TCF3: variants seen among roughly 807,000 people sequenced by gnomAD.
TCF3 encodes the protein transcription factor E2-alpha.
TCF3 carries 54 observed loss-of-function variants against 72.3 expected under a neutral mutation model. The ratio of observed to expected loss-of-function variants is 0.75; its 90% CI spans 0.60 to 0.94. The LOEUF (loss-of-function observed/expected upper bound fraction) is 0.94. TCF3 is among the 40% of genes least tolerant of loss of function. The pLI is 0.00. For synonymous variants in TCF3, 525 were observed against 412.6 expected (o/e 1.27, Z -3.30); for missense variants, 1,078 against 934.4 (o/e 1.15, Z -2.00).
chr19:1,637,833 C>T (rs896173559), intron 3 of TCF3, among the ~76,000 whole-genome samples: 13 of 151,890 alleles, frequency 8.6e-5, no homozygotes, highest in African/African-American at 3.1e-4. Context: ...GGCGCGAACC[C>T]GGGAGGCAGA....
At chr19:1,635,577 G>A (rs776805437) in intron 3 of TCF3, among the ~76,000 whole-genome samples, 11 of 151,158 alleles carry the variant, frequency 7.3e-5, no homozygotes, top group Non-Finnish European at 1.0e-4. Flanking sequence ...CACAGCTGAC[G>A]CCCCCAAAAC....
chr19:1,644,539 G>A (rs551034989), intron 3 of TCF3, among the ~76,000 whole-genome samples: 3 of 152,326 alleles, frequency 2.0e-5, no homozygotes, highest in East Asian at 1.9e-4. Context: ...GGGACAAGGC[G>A]AGACCCTCCC....
intron 18 of TCF3, among the ~76,000 whole-genome samples, chr19:1,613,334 G>A (rs1001317170): frequency 1.3e-5 from 2 of 152,142 alleles, no homozygotes; most frequent in African/African-American, 4.8e-5. Context: ...CACCCAGGAA[G>A]ACCCAAGGTC....
intron 3 of TCF3, among the ~76,000 whole-genome samples, chr19:1,641,359 G>T (rs902299477): frequency 6.6e-6 from 1 of 152,142 alleles, no homozygotes; most frequent in Non-Finnish European, 1.5e-5. Context: ...GCTCACACAT[G>T]TAATCACAGC....
chr19:1,644,658 C>T (rs2065815947), intron 3 of TCF3, among the ~76,000 whole-genome samples: 2 of 152,294 alleles, frequency 1.3e-5, no homozygotes, highest in South Asian at 4.1e-4. Flanking sequence ...GGCTGGGCGT[C>T]CAGGGAGAGG....
intron 3 of TCF3, among the ~76,000 whole-genome samples, chr19:1,641,162 C>CA (rs58100035): frequency 0.75 from 92,941 of 124,556 alleles, 33,642 homozygotes; most frequent in African/African-American, 0.89. Flanking sequence ...AACTCGGTCT[C>CA]AAAAAAAAAA....
intron 2 of TCF3, 130 bp downstream of exon 2, chr19:1,650,047 A>C (rs2066766920): frequency 6.5e-6 from 6 of 919,306 alleles, no homozygotes; most frequent in Non-Finnish European, 9.7e-6. Context: ...CCCCAGCCCC[A>C]CCGGGGCCTC....
intron 8 of TCF3, among the ~76,000 whole-genome samples, chr19:1,623,573 G>A (rs1232608399): frequency 2.0e-5 from 3 of 151,912 alleles, no homozygotes; most frequent in Non-Finnish European, 4.4e-5. Context: ...TAGTAGAGAT[G>A]GGGTTTCACC....
In TCF3 at chr19:1,615,931, T is replaced by TG; in HGVS notation, c.1451-111dup. The TG allele has an allele frequency of 8.0e-6, 11 of 1,370,168 alleles. No homozygotes were observed. The highest frequency in any genetic ancestry group is 2.9e-6 in the Non-Finnish European group (3 of 1,037,756). 84.9% of individuals were successfully genotyped at this position (1,370,168 alleles called of 1,614,324 possible). A position where few individuals can be genotyped will look rare whatever the true frequency, so the allele number is the denominator to read the frequency against. ...GGGCTTTCCTGGAAAAACCAGGTCTTGGCCAAAAATAAAAACAAAAAACCA... is the reference window on the plus strand; with the variant it reads ...GGGCTTTCCTGGAAAAACCAGGTCTTGGGCCAAAAATAAAAACAAAAAACCA... On this transcript the variant is annotated intron_variant, in intron 16 of 18. Coordinates refer to ENST00000262965, the MANE Select transcript of TCF3 (RefSeq NM_003200.5). The surrounding 1 kb of genome is among the most constrained non-coding windows in gnomAD (Gnocchi z 7.3).
At position 1,618,257 on chromosome 19, in the gene TCF3, C is replaced by T. The variant is rs376250988; in HGVS notation, c.1450+854G>A. 1.2e-4 allele frequency among the ~76,000 whole-genome samples: 18 copies of T among 152,214 alleles called. 1 individual carries two copies. The highest frequency in any genetic ancestry group is 4.2e-4 in the South Asian group (2 of 4,814). ...TGTCCATCACAAATCCTGTGGGCCC[C>T]GCCTTCAGGAGATGCAGGGCCCACC... On this transcript the variant is annotated intron_variant, in intron 16 of 18. Transcript: ENST00000262965.
At chr19:1,617,298 C>T (rs145225035) in intron 16 of TCF3, among the ~76,000 whole-genome samples, 12 of 152,326 alleles carry the variant, frequency 7.9e-5, no homozygotes, top group African/African-American at 2.4e-4. Context: ...CCAGGGCCAA[C>T]GGCACACTCA....
intron 3 of TCF3, among the ~76,000 whole-genome samples, chr19:1,643,137 G>A (rs927635905): frequency 3.9e-5 from 6 of 152,114 alleles, no homozygotes; most frequent in Admixed American, 1.3e-4. Flanking sequence ...GAAGGCGTAC[G>A]AAAATTATTC....
chr19:1,623,374 ACC>A (rs71335378), intron 8 of TCF3, among the ~76,000 whole-genome samples: 52 of 121,574 alleles, frequency 4.3e-4, no homozygotes, highest in African/African-American at 1.5e-3. Context: ...CAATTGCGGC[ACC>A]CCCCGCTTTT....
chr19:1,647,556 C>T (rs751814848), intron 2 of TCF3, among the ~76,000 whole-genome samples: 3 of 152,184 alleles, frequency 2.0e-5, no homozygotes, highest in Middle Eastern at 3.2e-3. Flanking sequence ...AACGGTCTTG[C>T]GGGTAGGGGT....
At chr19:1,633,108 C>A (rs1345971280) in intron 3 of TCF3, among the ~76,000 whole-genome samples, 1 of 152,102 alleles carries the variant, frequency 6.6e-6, no homozygotes, top group African/African-American at 2.4e-5. Flanking sequence ...GCGGGCGGGG[C>A]CCTTATCTCT....
At chr19:1,647,622 C>T (rs563743917) in intron 2 of TCF3, among the ~76,000 whole-genome samples, 59 of 152,318 alleles carry the variant, frequency 3.9e-4, no homozygotes, top group Non-Finnish European at 6.9e-4. Context: ...CCGCAGGCTC[C>T]GGTGCACCCA....
Position 1,610,413 on chromosome 19 carries a change from G to C in TCF3, c.*1294C>G, listed in dbSNP as rs2060900527. ...TCACGATGGCCCTCTGGTGTAATGG[G>C]GACATGGTGGGGTGGGGTGGGGGGT... On this transcript the variant is annotated 3_prime_UTR_variant, in exon 19 of 19. Coordinates refer to ENST00000262965, the MANE Select transcript of TCF3 (RefSeq NM_003200.5). 1 of 231,348 alleles carries C rather than the reference G, an allele frequency of 4.3e-6. No individual in the cohort carries two copies. Among genetic ancestry groups the C allele is most frequent in the East Asian group, 6.1e-5 (1 of 16,294 alleles). The allele number at this position is 231,348 out of a possible 1,614,324, so 14.3% of individuals were successfully genotyped here.
chr19:1,622,839 C>G (rs1021407061), intron 8 of TCF3, among the ~76,000 whole-genome samples: 1 of 152,230 alleles, frequency 6.6e-6, no homozygotes, highest in Non-Finnish European at 1.5e-5. Flanking sequence ...GAGCAACATT[C>G]GTCCTTCACT....
chr19:1,651,044 C>T (rs948277140), intron 1 of TCF3: 1 of 232,056 alleles, frequency 4.3e-6, no homozygotes, highest in Non-Finnish European at 8.5e-6. Flanking sequence ...TGACAACATC[C>T]CTTGCCTGCC....
Sources: allele counts gnomAD v4.1 joint callset (sites outside exome capture counted in the v4.1 genomes callset), GRCh38; gene constraint gnomAD v4.1.1; non-coding constraint Gnocchi (gnomAD v3.1); transcripts MANE v1.5; gene names NCBI Gene and HGNC (gene_info 2026-07-23, HGNC 2026-07-21).